Variants in CSMD1 observed in about 807,000 individuals in gnomAD.
The protein encoded by CSMD1 is CUB and sushi domain-containing protein 1.
A neutral mutation model predicts 417.5 loss-of-function variants in CSMD1; 213 were observed. That is an observed-to-expected ratio of 0.51 (90% confidence interval 0.46 to 0.57). The LOEUF is 0.57. Among genes scored for constraint, CSMD1 ranks in the 20% least tolerant of loss-of-function variants. The probability of loss-of-function intolerance (pLI) is 0.00; values close to 1 mark genes in which losing one functional copy is unlikely to be tolerated. For synonymous variants in CSMD1, 2,862 were observed against 1,736.8 expected (o/e 1.65, Z -16.11); for missense variants, 6,923 against 4,529.7 (o/e 1.53, Z -15.17).
chr8:3,846,957 G>A (rs994048561), intron 5 of CSMD1, among the ~76,000 whole-genome samples: 2 of 152,150 alleles, frequency 1.3e-5, no homozygotes, highest in Non-Finnish European at 2.9e-5. Flanking sequence ...TTACAGCCGT[G>A]AGCCACTGCG....
intron 1 of CSMD1, among the ~76,000 whole-genome samples, chr8:4,940,838 G>C (rs1209743970): frequency 6.6e-6 from 1 of 152,162 alleles, no homozygotes; most frequent in Non-Finnish European, 1.5e-5. Context: ...CATGTGTCAG[G>C]TAAGGCTTAG....
intron 9 of CSMD1, among the ~76,000 whole-genome samples, chr8:3,577,945 G>T (rs1800220530): frequency 6.6e-6 from 1 of 152,110 alleles, no homozygotes. Context: ...CCACCCTGTG[G>T]CTTGAGCTGT....
chr8:3,387,694 G>T lies in CSMD1; in HGVS notation c.2594-12C>A. On this transcript the variant is annotated splice_polypyrimidine_tract_variant and intron_variant, in intron 17 of 69. Transcript: ENST00000635120. ...CTCAAGCGTCACACCTGGATGCACAGAACGAATGCAGTCGATGAGGATCTT... is the reference window on the plus strand; with the variant it reads ...CTCAAGCGTCACACCTGGATGCACATAACGAATGCAGTCGATGAGGATCTT... 6.3e-7 allele frequency: 1 copy of T among 1,584,100 alleles called. No homozygotes were observed. The highest frequency in any genetic ancestry group is 8.6e-7 in the Non-Finnish European group (1 of 1,164,306).
chr8:4,119,342 G>C (rs757119335), intron 3 of CSMD1, among the ~76,000 whole-genome samples: 3 of 152,170 alleles, frequency 2.0e-5, no homozygotes, highest in Non-Finnish European at 2.9e-5. Context: ...TACATCCACA[G>C]CAGGGAATGC....
At chr8:2,954,131 A>G (rs1333842001) in intron 65 of CSMD1, 93 bp downstream of exon 65, 2 of 625,600 alleles carry the variant, frequency 3.2e-6, no homozygotes, top group East Asian at 6.6e-5. Context: ...TAACGGATTC[A>G]GAAATTTAAA....
intron 12 of CSMD1, among the ~76,000 whole-genome samples, chr8:3,446,120 T>C (rs142680462): frequency 6.6e-6 from 1 of 152,236 alleles, no homozygotes; most frequent in East Asian, 1.9e-4. Flanking sequence ...GAGAAGTTTG[T>C]TGTAATAGAA....
intron 5 of CSMD1, among the ~76,000 whole-genome samples, chr8:3,923,931 A>T (rs1028462883): frequency 1.8e-4 from 27 of 152,092 alleles, no homozygotes; most frequent in African/African-American, 6.3e-4. Context: ...AAAGAGTTAG[A>T]TTTTTCACCA....
At chr8:4,912,073 G>T (rs1291025267) in intron 1 of CSMD1, among the ~76,000 whole-genome samples, 3 of 130,020 alleles carry the variant, frequency 2.3e-5, no homozygotes, top group Non-Finnish European at 4.7e-5. Flanking sequence ...CTAAATCCCA[G>T]TTCTTTCCAA....
At chr8:3,467,339 A>T (rs1055938098) in intron 12 of CSMD1, among the ~76,000 whole-genome samples, 3 of 152,176 alleles carry the variant, frequency 2.0e-5, no homozygotes, top group African/African-American at 7.2e-5. Flanking sequence ...TATTTCACTG[A>T]TGATTTCAGA....
At chr8:4,306,475 C>G (rs1017415644) in intron 3 of CSMD1, among the ~76,000 whole-genome samples, 3 of 152,182 alleles carry the variant, frequency 2.0e-5, no homozygotes, top group Admixed American at 1.3e-4. Flanking sequence ...TTGTGAATGC[C>G]TCAGCAGGGT....
At chr8:4,182,370 T>C (rs1345722081) in intron 3 of CSMD1, among the ~76,000 whole-genome samples, 1 of 152,118 alleles carries the variant, frequency 6.6e-6, no homozygotes, top group East Asian at 1.9e-4. Flanking sequence ...TTACCCAAAG[T>C]ATATTATCTT....
intron 2 of CSMD1, among the ~76,000 whole-genome samples, chr8:4,454,861 G>C (rs1035271775): frequency 5.9e-5 from 9 of 152,128 alleles, no homozygotes; most frequent in African/African-American, 2.2e-4. Flanking sequence ...TAGTTTTAAA[G>C]AAACTTAATC....
chr8:3,816,358 G>A (rs576342314), intron 5 of CSMD1, among the ~76,000 whole-genome samples: 2 of 152,300 alleles, frequency 1.3e-5, no homozygotes, highest in South Asian at 4.1e-4. Flanking sequence ...AAATAAGTGA[G>A]CACAGCAGGA....
At chr8:4,487,736 G>C (rs1410589881) in intron 2 of CSMD1, among the ~76,000 whole-genome samples, 2 of 152,156 alleles carry the variant, frequency 1.3e-5, no homozygotes, top group Non-Finnish European at 2.9e-5. Flanking sequence ...TAAAAATAAA[G>C]TGTACTCAGT....
intron 3 of CSMD1, among the ~76,000 whole-genome samples, chr8:4,140,031 A>G (rs1467506442): frequency 6.6e-6 from 1 of 150,924 alleles, no homozygotes; most frequent in East Asian, 1.9e-4. Flanking sequence ...ATTTGCCTGG[A>G]AGGATAGAAG....
chr8:3,650,686 T>G (rs1797810549), intron 7 of CSMD1, among the ~76,000 whole-genome samples: 1 of 152,190 alleles, frequency 6.6e-6, no homozygotes, highest in Non-Finnish European at 1.5e-5. Context: ...AGTGGTAAAT[T>G]ATCAATGCTG....
chr8:3,095,494 C>G (rs1007585439), intron 47 of CSMD1, among the ~76,000 whole-genome samples: 3 of 152,098 alleles, frequency 2.0e-5, no homozygotes, highest in Admixed American at 1.3e-4. Flanking sequence ...CTCTCCAGTC[C>G]TCTGCTTCTA....
At chr8:4,348,501 A>G (rs908849643) in intron 3 of CSMD1, among the ~76,000 whole-genome samples, 3 of 151,946 alleles carry the variant, frequency 2.0e-5, no homozygotes, top group East Asian at 1.9e-4. Context: ...AGGTAGCTTA[A>G]TAAGTTGTAT....
At chr8:3,909,986 G>A (rs992578466) in intron 5 of CSMD1, among the ~76,000 whole-genome samples, 3 of 151,804 alleles carry the variant, frequency 2.0e-5, no homozygotes, top group African/African-American at 7.3e-5. Context: ...GGAGTAACTA[G>A]AATGTTCCTC....
Sources: allele counts gnomAD v4.1 joint callset (sites outside exome capture counted in the v4.1 genomes callset), GRCh38; gene constraint gnomAD v4.1.1; transcripts MANE v1.5; gene names NCBI Gene and HGNC (gene_info 2026-07-23, HGNC 2026-07-21).